The following ORC5 variants were observed in gnomAD, a reference collection of about 807,000 sequenced individuals.
The protein encoded by ORC5 is origin recognition complex subunit 5, also known as protein phosphatase 1, regulatory subunit 117.
A neutral mutation model predicts 58.8 loss-of-function variants in ORC5; 39 were observed. The ratio of observed to expected loss-of-function variants is 0.66; its 90% CI spans 0.51 to 0.87. ORC5 has a LOEUF of 0.87. Ranked by LOEUF, ORC5 falls within the 40% of genes least tolerant of loss-of-function variation. The pLI, the probability that ORC5 is intolerant of heterozygous loss-of-function variation, is 0.00. For missense variants in ORC5, 493 were observed against 506.3 expected (o/e 0.97, Z 0.25); for synonymous variants, 218 against 177.6 (o/e 1.23, Z -1.81).
intron 6 of ORC5, chr7:104,184,566 C>T (rs1443782645): frequency 1.2e-5 from 2 of 166,460 alleles, no homozygotes; most frequent in Non-Finnish European, 1.3e-5. Context: ...TAAATTCTGC[C>T]TAATACATTA....
chr7:104,200,981 T>G, intron 2 of ORC5, 23 bp from the exon 3 acceptor site: 1 of 1,587,206 alleles, frequency 6.3e-7, no homozygotes, highest in Non-Finnish European at 8.6e-7. Context: ...ACCAAAACAC[T>G]GTAAGTAAAG....
chr7:104,151,597 T>C (rs17377990), intron 12 of ORC5, among the ~76,000 whole-genome samples: 19,539 of 152,224 alleles, frequency 0.13, 1,570 homozygotes, highest in East Asian at 0.19. Context: ...ATGATTAGTT[T>C]TGAAATCTAG....
chr7:104,181,926 T>C (rs77894370), intron 8 of ORC5, among the ~76,000 whole-genome samples: 2 of 152,088 alleles, frequency 1.3e-5, no homozygotes, highest in Non-Finnish European at 2.9e-5. Flanking sequence ...TTGGTTTGAC[T>C]TCCTAGACTC....
rs951054357 is a variant in ORC5 at position 104,184,314 on chromosome 7, G to A, written c.685-143C>T. 2.9e-5 allele frequency: 18 copies of A among 615,466 alleles called. No homozygotes were observed. The African/African-American group carries it at 3.1e-4, about 11-fold the overall frequency. The allele number at this position is 615,466 out of a possible 1,614,324, so 38.1% of individuals were successfully genotyped here. A position where few individuals can be genotyped will look rare whatever the true frequency, so the allele number is the denominator to read the frequency against. ...CAAGTCAAATGTAATTATACGCAGT[G>A]GCATGTGCCTGTAATCCCAGCTACT... On this transcript the variant is annotated intron_variant, in intron 6 of 13. Transcript: ENST00000297431.
intron 2 of ORC5, among the ~76,000 whole-genome samples, chr7:104,202,012 C>T (rs575847535): frequency 1.6e-3 from 236 of 152,176 alleles, no homozygotes; most frequent in Middle Eastern, 6.8e-3. Flanking sequence ...ATCACTTGAG[C>T]CCAGGAATTC....
At chr7:104,177,033 A>T (rs1446384807) in intron 8 of ORC5, among the ~76,000 whole-genome samples, 1 of 152,230 alleles carries the variant, frequency 6.6e-6, no homozygotes, top group Non-Finnish European at 1.5e-5. Flanking sequence ...TCAGCAAAAT[A>T]CCCACAACTT....
intron 8 of ORC5, among the ~76,000 whole-genome samples, chr7:104,173,921 T>C (rs1380152280): frequency 7.0e-6 from 1 of 143,424 alleles, no homozygotes; most frequent in Non-Finnish European, 1.5e-5. Flanking sequence ...CTCGGCTCAC[T>C]GCAAGCTCCG....
intron 9 of ORC5, among the ~76,000 whole-genome samples, chr7:104,167,207 T>G (rs1042025790): frequency 6.6e-6 from 1 of 152,220 alleles, no homozygotes; most frequent in South Asian, 2.1e-4. Context: ...TTATTTCTAC[T>G]ATGAATTCCT....
chr7:104,201,233 C>A (rs554911069), intron 2 of ORC5, among the ~76,000 whole-genome samples: 2 of 152,242 alleles, frequency 1.3e-5, no homozygotes, highest in South Asian at 2.1e-4. Context: ...ACCATGACCC[C>A]TCAGTGGCCC....
chr7:104,170,908 CTCT>C (rs1799199679), intron 8 of ORC5, among the ~76,000 whole-genome samples: 1 of 151,996 alleles, frequency 6.6e-6, no homozygotes, highest in Non-Finnish European at 1.5e-5. Flanking sequence ...TTATTTTTAC[CTCT>C]TTTTTTAGTT....
chr7:104,185,308 T>C (rs1167819187), intron 6 of ORC5, among the ~76,000 whole-genome samples: 2 of 152,270 alleles, frequency 1.3e-5, no homozygotes, highest in Non-Finnish European at 2.9e-5. Context: ...CGTTAATCTA[T>C]TATTAGTTTG....
intron 12 of ORC5, among the ~76,000 whole-genome samples, chr7:104,156,407 A>C (rs995925638): frequency 6.6e-6 from 1 of 151,794 alleles, no homozygotes; most frequent in African/African-American, 2.4e-5. Context: ...GAATAATGCC[A>C]ACTACAATAC....
chr7:104,188,061 G>A (rs2116003013), intron 6 of ORC5, 190 bp downstream of exon 6: 1 of 986,996 alleles, frequency 1.0e-6, no homozygotes, highest in Middle Eastern at 2.4e-4. Context: ...CTAACCCACA[G>A]ACATCTACCT....
intron 5 of ORC5, among the ~76,000 whole-genome samples, chr7:104,193,988 G>A (rs1799737119): frequency 6.6e-6 from 1 of 151,132 alleles, no homozygotes; most frequent in Admixed American, 6.6e-5. Flanking sequence ...TGACTGAAAT[G>A]TGTAATATCA....
intron 8 of ORC5, among the ~76,000 whole-genome samples, chr7:104,181,084 C>A (rs1199380406): frequency 6.6e-6 from 1 of 152,090 alleles, no homozygotes; most frequent in African/African-American, 2.4e-5. Flanking sequence ...AAATGATGGG[C>A]TCATGAAACT....
intron 1 of ORC5, 55 bp downstream of exon 1, chr7:104,207,778 C>A: frequency 1.3e-6 from 2 of 1,536,884 alleles, no homozygotes; most frequent in Non-Finnish European, 1.8e-6. Flanking sequence ...GAACAGGTCG[C>A]AAGACTACCG....
rs956122299 is a variant in ORC5 at position 104,203,603 on chromosome 7, G to C, written c.165+539C>G. On this transcript the variant is annotated intron_variant, in intron 2 of 13. Transcript: ENST00000297431. ...TCACTATGAGCCAACTTTGCAGATG[G>C]AGAAAGCACTAACTGGTGAATCCAA... Among the ~76,000 whole-genome samples the C allele has an allele frequency of 2.0e-5, 3 of 152,148 alleles. No homozygotes were observed. The East Asian group carries it at 5.8e-4, about 29-fold the overall frequency.
chr7:104,184,168 C>T lies in ORC5; in HGVS notation c.688G>A (p.Val230Ile). 1.9e-6 allele frequency: 3 copies of T among 1,554,272 alleles called. No homozygotes were observed. Among genetic ancestry groups the T allele is most frequent in the Non-Finnish European group, 2.6e-6 (3 of 1,139,358 alleles). Residue 230 changes from valine (V) to isoleucine (I), a missense_variant, in exon 7 of 14, where the codon GTA becomes ATA. Transcript: ENST00000297431. The part of the protein sequence containing the change: ...RDLKELRHLA[V>I]LNFPKYCEPV... ...TCACAATATTTAGGAAAATTAAGTACTGCCTGTAAGTAAAGAAAAAAAAAG... is the reference window on the plus strand; with the variant it reads ...TCACAATATTTAGGAAAATTAAGTATTGCCTGTAAGTAAAGAAAAAAAAAG...
chr7:104,137,630 A>C (rs1798610978), intron 12 of ORC5, among the ~76,000 whole-genome samples: 1 of 152,154 alleles, frequency 6.6e-6, no homozygotes, highest in Non-Finnish European at 1.5e-5. Context: ...CACTGGCAGA[A>C]GAACAAGCAA....
Sources: gnomAD v4.1 joint callset for allele counts (sites outside exome capture counted in the v4.1 genomes callset) on GRCh38, gnomAD v4.1.1 for gene constraint, MANE v1.5 for transcripts, NCBI Gene and HGNC (gene_info 2026-07-23, HGNC 2026-07-21) for gene names.